The following UNC13C variants were observed in gnomAD, a reference collection of about 807,000 sequenced individuals.
The protein encoded by UNC13C is protein unc-13 homolog C.
UNC13C carries 174 observed loss-of-function variants against 245.4 expected under a neutral mutation model. The observed-to-expected ratio is 0.71, with a 90% confidence interval of 0.63 to 0.80. The LOEUF (loss-of-function observed/expected upper bound fraction) is 0.80, where lower values mean the gene tolerates loss of function less well. Ranked by LOEUF, UNC13C falls within the 30% of genes least tolerant of loss-of-function variation. The pLI, the probability that UNC13C is intolerant of heterozygous loss-of-function variation, is 0.00. For missense variants in UNC13C, 2,829 were observed against 2,602.9 expected, an observed-to-expected ratio of 1.09 and a Z score of -1.89; for synonymous variants, 992 against 895.1, an observed-to-expected ratio of 1.11 and a Z score of -1.93.
intron 19 of UNC13C, among the ~76,000 whole-genome samples, chr15:54,433,914 C>A (rs1466030596): frequency 1.3e-5 from 2 of 152,036 alleles, no homozygotes; most frequent in African/African-American, 4.8e-5. Flanking sequence ...GTGCAAAAAT[C>A]ACAAGCATTC....
the UNC13C span, among the ~76,000 whole-genome samples, chr15:53,850,329 C>G: frequency 6.6e-6 from 1 of 152,240 alleles, no homozygotes; most frequent in South Asian, 2.1e-4. Context: ...GCAGGAGGAT[C>G]ACTTGAACCC....
At chr15:54,226,824 C>CCAAGCTGCAAGACAAA (rs2035398537) in intron 4 of UNC13C, among the ~76,000 whole-genome samples, 1 of 152,166 alleles carries the variant, frequency 6.6e-6, no homozygotes, top group Non-Finnish European at 1.5e-5. Flanking sequence ...ACAGAGGGAT[C>CCAAGCTGCAAGACAAA]ATGGTGGTGC....
chr15:54,155,848 A>G (rs1027863083), intron 4 of UNC13C, among the ~76,000 whole-genome samples: 5 of 152,220 alleles, frequency 3.3e-5, no homozygotes, highest in African/African-American at 1.2e-4. Flanking sequence ...TATGGAAAAT[A>G]AAATGCAGAC....
intron 27 of UNC13C, among the ~76,000 whole-genome samples, chr15:54,547,056 A>G (rs1896518110): frequency 6.6e-6 from 1 of 152,224 alleles, no homozygotes; most frequent in Non-Finnish European, 1.5e-5. Flanking sequence ...GTTGCTTGAC[A>G]GTCAGAACTT....
At chr15:54,056,683 G>C (rs1271098030) in intron 2 of UNC13C, among the ~76,000 whole-genome samples, 6 of 152,096 alleles carry the variant, frequency 3.9e-5, no homozygotes, top group Non-Finnish European at 8.8e-5. Context: ...TTGAAATGAA[G>C]GAAAAAATGT....
chr15:54,286,211 T>C (rs2037145678), intron 10 of UNC13C, among the ~76,000 whole-genome samples: 1 of 152,238 alleles, frequency 6.6e-6, no homozygotes, highest in African/African-American at 2.4e-5. Flanking sequence ...TATCTTTTAA[T>C]AAAAGCTGGT....
At chr15:53,944,294 G>A in the UNC13C span, among the ~76,000 whole-genome samples, 1 of 152,068 alleles carries the variant, frequency 6.6e-6, no homozygotes, top group Admixed American at 6.5e-5. Context: ...ACATGTGCAA[G>A]TTTTGTTATA....
chr15:54,320,469 T>C (rs1283508997), intron 13 of UNC13C, among the ~76,000 whole-genome samples: 1 of 151,994 alleles, frequency 6.6e-6, no homozygotes, highest in Non-Finnish European at 1.5e-5. Flanking sequence ...GCAAAAAATA[T>C]CTGCATTAAA....
intron 4 of UNC13C, among the ~76,000 whole-genome samples, chr15:54,170,296 A>G (rs2033347573): frequency 6.6e-6 from 1 of 152,178 alleles, no homozygotes; most frequent in South Asian, 2.1e-4. Context: ...TCTCAAAAAT[A>G]AAACTACAGG....
intron 18 of UNC13C, among the ~76,000 whole-genome samples, chr15:54,403,741 G>T (rs1425525951): frequency 7.6e-6 from 1 of 131,642 alleles, no homozygotes; most frequent in Admixed American, 7.7e-5. Context: ...AAAAAAAAAG[G>T]CTTACATAGA....
intron 2 of UNC13C, among the ~76,000 whole-genome samples, chr15:54,052,307 T>G (rs1897305955): frequency 7.1e-6 from 1 of 141,438 alleles, no homozygotes; most frequent in African/African-American, 2.7e-5. Flanking sequence ...AAATGGTATT[T>G]GTAGTTCTAG....
At chr15:54,104,524 C>T (rs973463102) in intron 2 of UNC13C, among the ~76,000 whole-genome samples, 1 of 151,898 alleles carries the variant, frequency 6.6e-6, no homozygotes, top group African/African-American at 2.4e-5. Flanking sequence ...TGTATTCTAA[C>T]TTCAAGTGAT....
At chr15:53,951,359 C>T in the UNC13C span, among the ~76,000 whole-genome samples, 1 of 152,232 alleles carries the variant, frequency 6.6e-6, no homozygotes, top group Admixed American at 6.5e-5. Flanking sequence ...GTATTCAACA[C>T]AGTAATGTGA....
At chr15:54,518,907 T>A (rs957915239) in intron 24 of UNC13C, among the ~76,000 whole-genome samples, 1 of 152,164 alleles carries the variant, frequency 6.6e-6, no homozygotes, top group Non-Finnish European at 1.5e-5. Flanking sequence ...CCCAGTCCAT[T>A]TTCACAATTA....
At chr15:54,116,738 T>C (rs2030277611) in intron 2 of UNC13C, among the ~76,000 whole-genome samples, 1 of 152,192 alleles carries the variant, frequency 6.6e-6, no homozygotes, top group East Asian at 1.9e-4. Context: ...GCGATAAACA[T>C]GAGAATGCAG....
intron 4 of UNC13C, among the ~76,000 whole-genome samples, chr15:54,187,988 T>A (rs2034052780): frequency 2.0e-5 from 3 of 152,072 alleles, no homozygotes. Flanking sequence ...CGGATAATTT[T>A]TATATTTTTT....
At chr15:54,578,037 G>T (rs560410348) in intron 30 of UNC13C, among the ~76,000 whole-genome samples, 1 of 152,096 alleles carries the variant, frequency 6.6e-6, no homozygotes, top group Non-Finnish European at 1.5e-5. Context: ...ATTATAGTCT[G>T]GGCAGGACAT....
In UNC13C at chr15:54,070,918, T is replaced by C. The variant is rs1287609234; in HGVS notation, c.2983+55032T>C. On this transcript the variant is annotated intron_variant, in intron 2 of 32. Coordinates refer to ENST00000260323, the MANE Select transcript of UNC13C (RefSeq NM_001080534.3). ...TTTTAATAGACCACACTATCATTCA[T>C]GGGATTTGGTTCATACTTTTTGGTA... Among the ~76,000 whole-genome samples, 3 of 152,224 alleles carry C rather than the reference T, an allele frequency of 2.0e-5. No homozygotes were observed. In the South Asian group the frequency reaches 6.2e-4, roughly 31 times the overall value.
intron 29 of UNC13C, among the ~76,000 whole-genome samples, chr15:54,559,660 T>G (rs548812528): frequency 6.6e-6 from 1 of 151,968 alleles, no homozygotes; most frequent in East Asian, 1.9e-4. Flanking sequence ...GGGTGATGAA[T>G]TTTCTCTGAA....
Sources: allele counts gnomAD v4.1 joint callset (sites outside exome capture counted in the v4.1 genomes callset), GRCh38; gene constraint gnomAD v4.1.1; transcripts MANE v1.5; gene names NCBI Gene and HGNC (gene_info 2026-07-23, HGNC 2026-07-21).